CLASP1: variants seen among roughly 807,000 people sequenced by gnomAD.
CLASP1 encodes CLIP-associating protein 1.
Under a neutral mutation model 192.3 loss-of-function variants are expected in CLASP1, and 38 were observed. The observed-to-expected ratio is 0.20, with a 90% confidence interval of 0.15 to 0.26. The LOEUF (loss-of-function observed/expected upper bound fraction) is 0.26, where lower values mean the gene tolerates loss of function less well. CLASP1 is among the 10% of genes least tolerant of loss of function. CLASP1 has a pLI of 1.00. For synonymous variants in CLASP1, 691 were observed against 712.8 expected, an observed-to-expected ratio of 0.97 and a Z score of 0.49; for missense variants, 1,433 against 1,932.5, an observed-to-expected ratio of 0.74 and a Z score of 4.85.
rs1220098524 is a variant in CLASP1, at chr2:121,611,128, G to A, written c.-285-4948C>T. Among the ~76,000 whole-genome samples the A allele has an allele frequency of 3.5e-5, 5 of 142,792 alleles. No individual in the cohort carries two copies. In the East Asian group the frequency reaches 8.6e-4, roughly 24 times the overall value. 93.7% of individuals were successfully genotyped at this position (142,792 alleles called of 152,430 possible). On this transcript the variant is annotated intron_variant, in intron 1 of 39. Transcript: ENST00000263710. Reference sequence around the variant, plus strand: ...GAAAGAGGAACTGGAGGAGGAGGAGGAGTTACAGGAGGAAGAGGAACTGGA... The same window carrying A: ...GAAAGAGGAACTGGAGGAGGAGGAGAAGTTACAGGAGGAAGAGGAACTGGA...
At chr2:121,350,419 G>A (rs2064145092) in intron 37 of CLASP1, among the ~76,000 whole-genome samples, 1 of 152,216 alleles carries the variant, frequency 6.6e-6, no homozygotes, top group African/African-American at 2.4e-5. Flanking sequence ...CCTGAGCTGT[G>A]TAGCAGACAG....
chr2:121,494,796 G>C (rs112719492), intron 8 of CLASP1, among the ~76,000 whole-genome samples: 5,871 of 152,110 alleles, frequency 0.039, 157 homozygotes, highest in East Asian at 0.14. Flanking sequence ...CGAGGTGAGC[G>C]AATCACCTGA....
chr2:121,390,070 C>G (rs554815430), intron 30 of CLASP1, among the ~76,000 whole-genome samples: 7 of 152,160 alleles, frequency 4.6e-5, no homozygotes, highest in Non-Finnish European at 7.3e-5. Context: ...GATTTTATAT[C>G]AGAGTTTTGC....
At chr2:121,546,833 A>G (rs977163221) in intron 2 of CLASP1, among the ~76,000 whole-genome samples, 9 of 152,192 alleles carry the variant, frequency 5.9e-5, no homozygotes. Context: ...TGGCTGCTCT[A>G]TGAAAAAGAG....
At chr2:121,432,245 T>G (rs2081565065) in intron 19 of CLASP1, among the ~76,000 whole-genome samples, 1 of 152,128 alleles carries the variant, frequency 6.6e-6, no homozygotes, top group African/African-American at 2.4e-5. Flanking sequence ...GCCTCCCCAG[T>G]AGCTGGGATT....
At chr2:121,351,943 C>A (rs370192714) in intron 37 of CLASP1, among the ~76,000 whole-genome samples, 1 of 152,254 alleles carries the variant, frequency 6.6e-6, no homozygotes, top group South Asian at 2.1e-4. Flanking sequence ...TCACCCAGCA[C>A]TGACCAGGTG....
chr2:121,571,838 G>A (rs189756692), intron 2 of CLASP1, among the ~76,000 whole-genome samples: 19 of 152,196 alleles, frequency 1.2e-4, no homozygotes, highest in Admixed American at 1.2e-3. Flanking sequence ...AATATTAGAG[G>A]GTGTTGAGTA....
intron 34 of CLASP1, among the ~76,000 whole-genome samples, chr2:121,376,598 T>C (rs1369431830): frequency 6.6e-6 from 1 of 152,040 alleles, no homozygotes; most frequent in African/African-American, 2.4e-5. Context: ...AGGAATAAGT[T>C]CTAATGCTCT....
intron 1 of CLASP1, among the ~76,000 whole-genome samples, chr2:121,633,765 C>T (rs954228796): frequency 6.6e-5 from 10 of 151,908 alleles, no homozygotes; most frequent in African/African-American, 1.9e-4. Context: ...CCAGCACTTT[C>T]GGAGGCAGAG....
Position 121,449,149 on chromosome 2 carries a change from A to G in CLASP1, c.1524-29T>C, listed in dbSNP as rs1464066816. ...GAGGAAACACACAAAATCCTGGTCT[A>G]ATTCAAGGATCCAAACAGGTCTTTT... On this transcript the variant is annotated intron_variant, in intron 16 of 39. Coordinates refer to ENST00000263710, the Ensembl canonical transcript of CLASP1. 9 of 1,605,144 alleles carry G rather than the reference A, an allele frequency of 5.6e-6. No individual in the cohort carries two copies. The Admixed American group carries it at 1.5e-4, about 27-fold the overall frequency.
chr2:121,478,781 ACCC>A (rs1559366949), intron 8 of CLASP1, among the ~76,000 whole-genome samples: 1 of 38,546 alleles, frequency 2.6e-5, no homozygotes, highest in African/African-American at 1.3e-4. Context: ...CCACACACAC[ACCC>A]CACACACACC....
chr2:121,555,276 G>T (rs998608250), intron 2 of CLASP1, among the ~76,000 whole-genome samples: 1 of 152,168 alleles, frequency 6.6e-6, no homozygotes, highest in Non-Finnish European at 1.5e-5. Context: ...TTCAGGACTC[G>T]CTTCAAGCCT....
chr2:121,527,752 T>A (rs771560252), intron 5 of CLASP1, 47 bp downstream of exon 5: 1 of 1,417,158 alleles, frequency 7.1e-7, no homozygotes. Flanking sequence ...ATAAAAAGTT[T>A]TAAAAAATTC....
At chr2:121,565,036 T>TG (rs2059386829) in intron 2 of CLASP1, among the ~76,000 whole-genome samples, 1 of 152,194 alleles carries the variant, frequency 6.6e-6, no homozygotes, top group Non-Finnish European at 1.5e-5. Flanking sequence ...CAGGCCAGGC[T>TG]GGGGCCCCTG....
intron 8 of CLASP1, among the ~76,000 whole-genome samples, chr2:121,471,611 A>G (rs1022112423): frequency 2.0e-5 from 3 of 152,130 alleles, no homozygotes; most frequent in Admixed American, 2.0e-4. Flanking sequence ...CAAGACCCCA[A>G]TGCTCCCTAA....
At chr2:121,398,175 A>T (rs2075600994) in intron 29 of CLASP1, 147 bp downstream of exon 30, 4 of 654,038 alleles carry the variant, frequency 6.1e-6, no homozygotes, top group Non-Finnish European at 1.0e-5. Flanking sequence ...GAACCAAGAG[A>T]AACAGGAACA....
At chr2:121,528,024 C>G (rs570688162) in intron 4 of CLASP1, 134 bp from the exon 5 acceptor site, 1 of 613,254 alleles carries the variant, frequency 1.6e-6, no homozygotes, top group Non-Finnish European at 2.9e-6. Flanking sequence ...TTAATCCTCT[C>G]GAGAGCATAC....
At position 121,418,702 on chromosome 2, in the gene CLASP1, C is replaced by T. The variant is rs770547250; in HGVS notation, c.2240G>A (p.Ser747Asn). The T allele has an allele frequency of 1.9e-6, 3 of 1,613,706 alleles. No homozygotes were observed. In the South Asian group the frequency reaches 3.3e-5, roughly 18 times the overall value. The stretch of plus-strand genomic sequence containing the variant: ...ATCGCGGCTGCACCCCTGACTCATG[C>T]TGGGTCGAGGGATACGGCTGCTCCG... The change falls in exon 23 of 40, where the codon AGC becomes AAC. Residue 747 changes from serine to asparagine, a missense_variant. Around this residue, in one of 8 missense-constraint regions of CLASP1, gnomAD observed 445 missense variants for 535.5 expected, o/e 0.83. Coordinates refer to ENST00000263710, the Ensembl canonical transcript of CLASP1.
chr2:121,580,743 G>GTTT (rs1027024765), intron 2 of CLASP1, among the ~76,000 whole-genome samples: 1 of 152,160 alleles, frequency 6.6e-6, no homozygotes, highest in Admixed American at 6.5e-5. Context: ...TATTTCAAGT[G>GTTT]TTTTTTAAAT....
Sources: allele counts gnomAD v4.1 joint callset (sites outside exome capture counted in the v4.1 genomes callset), GRCh38; gene constraint gnomAD v4.1.1; regional missense constraint gnomAD v4.1.1; transcripts MANE v1.5; gene names NCBI Gene and HGNC (gene_info 2026-07-23, HGNC 2026-07-21).